Variants in FRMPD4 observed in about 807,000 individuals in gnomAD.
The protein encoded by FRMPD4 is FERM and PDZ domain-containing protein 4.
In FRMPD4, 22 loss-of-function variants were observed where a neutral mutation model predicts 94.1. The ratio of observed to expected loss-of-function variants is 0.23; its 90% CI spans 0.17 to 0.33. FRMPD4 has a LOEUF of 0.33. Among genes scored for constraint, FRMPD4 ranks in the 10% least tolerant of loss-of-function variants. FRMPD4 has a pLI of 1.00. For synonymous variants in FRMPD4, 631 were observed against 548.6 expected, an observed-to-expected ratio of 1.15 and a Z score of -2.10; for missense variants, 1,111 against 1,339.9, an observed-to-expected ratio of 0.83 and a Z score of 2.67.
intron 3 of FRMPD4, among the ~76,000 whole-genome samples, chrX:12,061,787 CTGTTCCATTATATTGAAGAACATTTT>C (rs1195713834): frequency 9.0e-6 from 1 of 111,386 alleles, no homozygotes; most frequent in Non-Finnish European, 1.9e-5. Flanking sequence ...ATGCATTTTT[CTGTTCCATTATATTGAAGAACATTTT>C]TGTTACCCCA....
intron 1 of FRMPD4, among the ~76,000 whole-genome samples, chrX:12,175,975 G>A (rs970967401): frequency 1.8e-5 from 2 of 112,119 alleles, no homozygotes; most frequent in African/African-American, 6.5e-5. Context: ...TGATGTGCTG[G>A]TAATGGTTAA....
At chrX:12,097,555 G>T (rs972803717) in intron 3 of FRMPD4, among the ~76,000 whole-genome samples, 2 of 112,296 alleles carry the variant, frequency 1.8e-5, no homozygotes, top group African/African-American at 6.5e-5. Context: ...CATGTTAGCA[G>T]TTATTCTCCA....
chrX:12,500,005 T>C (rs905925444), intron 2 of FRMPD4, among the ~76,000 whole-genome samples: 2 of 111,797 alleles, frequency 1.8e-5, no homozygotes, highest in Non-Finnish European at 3.8e-5. Flanking sequence ...GGTTTTTTTG[T>C]TTCGTTTTTT....
chrX:12,309,898 T>C (rs1191329668), intron 1 of FRMPD4, among the ~76,000 whole-genome samples: 1 of 112,457 alleles, frequency 8.9e-6, no homozygotes, highest in Non-Finnish European at 1.9e-5. Context: ...GAGTTGCTGA[T>C]TGAATCACAA....
At chrX:12,653,450 C>T (rs1476261110) in intron 4 of FRMPD4, among the ~76,000 whole-genome samples, 1 of 112,049 alleles carries the variant, frequency 8.9e-6, no homozygotes, top group Non-Finnish European at 1.9e-5. Context: ...TTAGTAATGT[C>T]ACTTTTTTTG....
chrX:12,193,337 A>G (rs1214883467), intron 1 of FRMPD4, among the ~76,000 whole-genome samples: 1 of 111,220 alleles, frequency 9.0e-6, no homozygotes, highest in Non-Finnish European at 1.9e-5. Flanking sequence ...AATTGTTGGT[A>G]ATTACATCTC....
At chrX:12,641,576 A>AG (rs1220347228) in intron 4 of FRMPD4, among the ~76,000 whole-genome samples, 1 of 112,133 alleles carries the variant, frequency 8.9e-6, no homozygotes, top group Non-Finnish European at 1.9e-5. Context: ...TAAGCAGACA[A>AG]GGGTGTGTAA....
chrX:12,319,423 C>T (rs1413088374), intron 1 of FRMPD4, among the ~76,000 whole-genome samples: 1 of 112,118 alleles, frequency 8.9e-6, no homozygotes, highest in Non-Finnish European at 1.9e-5. Flanking sequence ...ATAGAGGAGG[C>T]CCTGGACACC....
rs1033349651 is a variant in FRMPD4, at chrX:12,120,347, C to A, written c.95+242329C>A. ...CTCCATAAGATCATCACAAAATATC[C>A]ATTTCTAGTTATTGCGTCACAAAAT... On this transcript the variant is annotated intron_variant, in intron 3 of 18. Coordinates refer to the FRMPD4 transcript ENST00000640291. Among the ~76,000 whole-genome samples, 3 of 112,213 alleles carry A rather than the reference C, an allele frequency of 2.7e-5. No individual in the cohort carries two copies. The Admixed American group carries it at 2.8e-4, about 11-fold the overall frequency.
At chrX:11,927,149 CA>C (rs552763447) in intron 3 of FRMPD4, among the ~76,000 whole-genome samples, 2,675 of 94,346 alleles carry the variant, frequency 0.028, 26 homozygotes, top group Middle Eastern at 0.048. Flanking sequence ...ACAATTGCCA[CA>C]AAAAAAAAAA....
intron 1 of FRMPD4, among the ~76,000 whole-genome samples, chrX:11,849,954 G>A (rs112124572): frequency 1.8e-5 from 2 of 111,805 alleles, no homozygotes; most frequent in African/African-American, 6.5e-5. Context: ...TAAAACATCT[G>A]TGCATCAAAG....
intron 1 of FRMPD4, among the ~76,000 whole-genome samples, chrX:12,266,132 C>CAAAAAA (rs3990340): frequency 1.0e-3 from 26 of 25,731 alleles, no homozygotes; most frequent in African/African-American, 2.2e-3. Flanking sequence ...GACTCCGTCT[C>CAAAAAA]AAAAAAAAAA....
intron 1 of FRMPD4, among the ~76,000 whole-genome samples, chrX:12,351,136 T>C (rs898992790): frequency 8.6e-5 from 9 of 104,279 alleles, no homozygotes; most frequent in African/African-American, 3.2e-4. Flanking sequence ...CGCGCAACTG[T>C]ACTCCAGCCT....
At chrX:12,535,290 T>C (rs1329741726) in intron 2 of FRMPD4, among the ~76,000 whole-genome samples, 3 of 111,746 alleles carry the variant, frequency 2.7e-5, no homozygotes, top group Non-Finnish European at 5.6e-5. Flanking sequence ...AACCTCTTTC[T>C]TTTGTAAATT....
In FRMPD4 at chrX:12,175,958, C is replaced by T. The variant is rs140656023; in HGVS notation, c.41+36946C>T. On this transcript the variant is annotated intron_variant, in intron 1 of 16. Transcript: ENST00000675598. The stretch of plus-strand genomic sequence containing the variant: ...TTTAAGAATACAGATGCCTTTGTCC[C>T]ACCTGGTGATGTGCTGGTAATGGTT... Among the ~76,000 whole-genome samples, 62 of 112,238 alleles carry T rather than the reference C, an allele frequency of 5.5e-4. No individual in the cohort carries two copies. The East Asian group carries it at 9.5e-3, about 17-fold the overall frequency.
At chrX:12,561,966 A>T (rs938037492) in intron 2 of FRMPD4, among the ~76,000 whole-genome samples, 1 of 112,556 alleles carries the variant, frequency 8.9e-6, no homozygotes, top group African/African-American at 3.2e-5. Flanking sequence ...GAAACTGGGG[A>T]GATTTTTTTC....
chrX:12,295,667 C>A (rs2054760680), intron 1 of FRMPD4, among the ~76,000 whole-genome samples: 1 of 112,284 alleles, frequency 8.9e-6, no homozygotes, highest in South Asian at 3.7e-4. Flanking sequence ...TAGGTGTTGA[C>A]ATTGCTTAAC....
Position 12,555,898 on chromosome X carries a change from A to AT in FRMPD4, c.159-53816dup, listed in dbSNP as rs767893895. Among the ~76,000 whole-genome samples the AT allele has an allele frequency of 2.7e-5, 3 of 111,606 alleles. No homozygotes were observed. In the Admixed American group the frequency reaches 2.9e-4, roughly 11 times the overall value. On this transcript the variant is annotated intron_variant, in intron 2 of 16. Coordinates refer to ENST00000675598, the MANE Select transcript of FRMPD4 (RefSeq NM_001368397.1). ...ACTTTTATATCAAATTAAACATGCC[A>AT]TTTTTTTCTTTCTTTTTATTTTTTA...
chrX:12,697,421 G>T (rs377255052), intron 9 of FRMPD4, among the ~76,000 whole-genome samples: 30 of 112,339 alleles, frequency 2.7e-4, no homozygotes, highest in East Asian at 2.2e-3. Context: ...AGTCGCTGTA[G>T]ACAGTGAGTG....
Sources: allele counts gnomAD v4.1 joint callset (sites outside exome capture counted in the v4.1 genomes callset), GRCh38; gene constraint gnomAD v4.1.1; transcripts MANE v1.5; gene names NCBI Gene and HGNC (gene_info 2026-07-23, HGNC 2026-07-21).